FSIP2: variants seen among roughly 807,000 people sequenced by gnomAD.
The protein encoded by FSIP2 is fibrous sheath interacting protein 2, also known as fibrous sheath-interacting protein 2.
FSIP2 carries 367 observed loss-of-function variants against 510.5 expected under a neutral mutation model. The ratio of observed to expected loss-of-function variants is 0.72; its 90% CI spans 0.66 to 0.78. FSIP2 has a LOEUF of 0.78. Ranked by LOEUF, FSIP2 falls within the 30% of genes least tolerant of loss-of-function variation. The pLI is 0.00. For missense variants in FSIP2, 7,594 were observed against 7,901.7 expected, an observed-to-expected ratio of 0.96 and a Z score of 1.48; for synonymous variants, 2,601 against 2,732.2, an observed-to-expected ratio of 0.95 and a Z score of 1.50.
Position 185,763,206 on chromosome 2 carries a change from G to T in FSIP2, c.1264G>T (p.Gly422Cys). The part of the protein sequence containing the change: ...DRGGINISGQ[G>C]SIISAQVSPT... Reference sequence around the variant, plus strand: ...AGGAGGTATAAATATTTCAGGCCAAGGTTCAATTATTTCAGCGCAGGTATC... The same window carrying T: ...AGGAGGTATAAATATTTCAGGCCAATGTTCAATTATTTCAGCGCAGGTATC... Residue 422 changes from glycine (G) to cysteine (C), a missense_variant, in exon 12 of 23, where the codon GGT becomes TGT. Gly to Cys is a radical substitution (Grantham distance 159). Transcript: ENST00000424728. The T allele has an allele frequency of 1.3e-6, 2 of 1,491,654 alleles. No individual in the cohort carries two copies. Among genetic ancestry groups the T allele is most frequent in the Non-Finnish European group, 1.8e-6 (2 of 1,107,184 alleles). 92.4% of individuals were successfully genotyped at this position (1,491,654 alleles called of 1,614,324 possible). A position where few individuals can be genotyped will look rare whatever the true frequency, so the allele number is the denominator to read the frequency against.
intron 3 of FSIP2, 138 bp downstream of exon 3, chr2:185,743,432 A>C: frequency 2.4e-6 from 1 of 424,614 alleles, no homozygotes. Flanking sequence ...CAGTTCTATA[A>C]ATTTCTCAGT....
At position 185,792,596 on chromosome 2, in the gene FSIP2, A is replaced by G. The variant is rs1693164007; in HGVS notation, c.5460A>G (p.Gln1820=). 1 of 1,534,120 alleles carries G rather than the reference A, an allele frequency of 6.5e-7. No homozygotes were observed. The highest frequency in any genetic ancestry group is 1.2e-5 in the South Asian group (1 of 84,022). The change falls in exon 16 of 23, where the codon CAA becomes CAG. Residue 1820 remains glutamine, a synonymous_variant. Coordinates refer to ENST00000424728, the MANE Select transcript of FSIP2 (RefSeq NM_173651.4). ...MPHNVDEPTP[Q]TSVQFMDKMM... ...ACAATGTTGATGAGCCAACTCCCCA[A>G]ACATCTGTTCAATTTATGGATAAAA...
In FSIP2 at chr2:185,794,977, C is replaced by G. The variant is rs1430441342; in HGVS notation, c.7841C>G (p.Ser2614Cys). Residue 2614 changes from serine (S) to cysteine (C), a missense_variant, in exon 16 of 23, where the codon TCT becomes TGT. By Grantham distance (112) the Ser-to-Cys change is moderately radical. Coordinates refer to ENST00000424728, the MANE Select transcript of FSIP2 (RefSeq NM_173651.4). ...TCTTATGTCGACAGTCAAAATATCTCTGTGATGGAAAACACTCTTTTGCCA... is the reference window on the plus strand; with the variant it reads ...TCTTATGTCGACAGTCAAAATATCTGTGTGATGGAAAACACTCTTTTGCCA... ...AYSYVDSQNI[S>C]VMENTLLPYL... is the part of the protein sequence containing the mutation. The G allele has an allele frequency of 6.5e-7, 1 of 1,533,756 alleles. No homozygotes were observed. The highest frequency in any genetic ancestry group is 1.2e-5 in the South Asian group (1 of 83,852).
In FSIP2 at chr2:185,815,419, A is replaced by T; in HGVS notation, c.20374A>T (p.Arg6792Ter). The change falls in exon 19 of 23, where the codon AGA becomes TGA. Residue 6792 changes from arginine to a stop codon, truncating the protein, a stop_gained. Coordinates refer to ENST00000424728, the MANE Select transcript of FSIP2 (RefSeq NM_173651.4). LOFTEE classifies it high-confidence loss of function. ...TGAACCAACACATTACTTCATACAC[A>T]GAATTATGAGTTCATCTTCATACAA... ...VTEPTHYFIH[R>*]IMSSSSYNQE... 2 of 1,540,984 alleles carry T rather than the reference A, an allele frequency of 1.3e-6. No individual in the cohort carries two copies. The highest frequency in any genetic ancestry group is 8.9e-7 in the Non-Finnish European group (1 of 1,126,980).
chr2:185,761,570 AC>A (rs1452974997), intron 10 of FSIP2, among the ~76,000 whole-genome samples: 1 of 151,272 alleles, frequency 6.6e-6, no homozygotes, highest in East Asian at 1.9e-4. Context: ...GATGAATTTT[AC>A]TTTGGTTCTA....
chr2:185,817,351 G>A (rs902901618), intron 19 of FSIP2, among the ~76,000 whole-genome samples: 1 of 152,018 alleles, frequency 6.6e-6, no homozygotes, highest in Non-Finnish European at 1.5e-5. Context: ...CAGAGGGACT[G>A]CAGAACCATA....
At position 185,794,767 on chromosome 2, in the gene FSIP2, A is replaced by G; in HGVS notation, c.7631A>G (p.Glu2544Gly). 6.5e-7 allele frequency: 1 copy of G among 1,534,334 alleles called. No homozygotes were observed. Among genetic ancestry groups the G allele is most frequent in the East Asian group, 2.4e-5 (1 of 40,820 alleles). Residue 2544 changes from glutamate to glycine, a missense_variant, in exon 16 of 23, where the codon GAA becomes GGA. By Grantham distance (98) the Glu-to-Gly change is moderately conservative. Coordinates refer to ENST00000424728, the MANE Select transcript of FSIP2 (RefSeq NM_173651.4). ...AACAGTGTAGCAAATGACATAGTTG[A>G]AAGTGTTTTGGGGAAAATGTACTTG... Reference protein sequence around the residue: ...HINSVANDIVESVLGKMYLVV... With the variant: ...HINSVANDIVGSVLGKMYLVV...
Position 185,788,803 on chromosome 2 carries a change from C to G in FSIP2, c.1667C>G (p.Ser556Ter). ...GACTCCATCCTCTCTTCAGATAGTTCAAGTTTCTGTAGCACGTGCAGTGAA... is the reference window on the plus strand; with the variant it reads ...GACTCCATCCTCTCTTCAGATAGTTGAAGTTTCTGTAGCACGTGCAGTGAA... ...SDDSILSSDS[S>*]SFCSTCSEDF... The change falls in exon 16 of 23, where the codon TCA becomes TGA. Residue 556 changes from serine (S) to a stop codon, truncating the protein, a stop_gained. Coordinates refer to ENST00000424728, the MANE Select transcript of FSIP2 (RefSeq NM_173651.4). LOFTEE classifies it high-confidence loss of function. The G allele has an allele frequency of 2.0e-6, 3 of 1,533,858 alleles. 1 individual carries two copies. The highest frequency in any genetic ancestry group is 4.9e-5 in the East Asian group (2 of 40,852).
At chr2:185,766,085 T>A (rs1692471367) in intron 13 of FSIP2, 1 of 152,050 alleles carries the variant, frequency 6.6e-6, no homozygotes, top group Non-Finnish European at 1.5e-5. Flanking sequence ...TCATGTCGTC[T>A]GCAAACAGGG....
chr2:185,813,852 T>G lies in FSIP2; in HGVS notation c.20135T>G (p.Phe6712Cys), dbSNP rs1401509028. ...STLSTSSLKK[F>C]LSLSKCCQTT... ...CTAAGCACGAGCAGCCTGAAAAAAT[T>G]TTTGTCACTAAGTAAATGTTGTCAG... The change falls in exon 18 of 23, where the codon TTT becomes TGT. Residue 6712 changes from phenylalanine to cysteine, a missense_variant. By Grantham distance (205) the Phe-to-Cys change is radical. Coordinates refer to ENST00000424728, the MANE Select transcript of FSIP2 (RefSeq NM_173651.4). 6 of 1,613,646 alleles carry G rather than the reference T, an allele frequency of 3.7e-6. No individual in the cohort carries two copies. Among genetic ancestry groups the G allele is most frequent in the Non-Finnish European group, 5.1e-6 (6 of 1,179,782 alleles).
chr2:185,796,427 A>T lies in FSIP2; in HGVS notation c.9291A>T (p.Leu3097=), dbSNP rs1384827584. The T allele has an allele frequency of 1.3e-6, 2 of 1,534,510 alleles. No individual in the cohort carries two copies. The highest frequency in any genetic ancestry group is 1.7e-6 in the Non-Finnish European group (2 of 1,146,002). ...SDMLAVIKNK[L]DNEISQMEPS... is the part of the protein sequence containing the mutation. ...TGCTTGCTGTAATTAAGAACAAGCT[A>T]GACAACGAAATAAGCCAAATGGAAC... The change falls in exon 16 of 23, where the codon CTA becomes CTT. Residue 3097 remains leucine (L), a synonymous_variant. Transcript: ENST00000424728.
rs185818166 is a variant in FSIP2, at chr2:185,830,687, A to G, written c.20518-1126A>G. 3.3e-5 allele frequency among the ~76,000 whole-genome samples: 5 copies of G among 151,950 alleles called. No individual in the cohort carries two copies. In the East Asian group the frequency reaches 7.8e-4, roughly 24 times the overall value. ...TCTATACATGTTCGGTATACATGCA[A>G]CCATCCATTATTTTTCATATATTTT... On this transcript the variant is annotated intron_variant, in intron 21 of 22. Coordinates refer to ENST00000424728, the MANE Select transcript of FSIP2 (RefSeq NM_173651.4).
intron 13 of FSIP2, among the ~76,000 whole-genome samples, chr2:185,780,751 G>C (rs959796236): frequency 6.6e-6 from 1 of 151,926 alleles, no homozygotes; most frequent in Non-Finnish European, 1.5e-5. Context: ...TGTTATATGT[G>C]AGCTCAGTTT....
chr2:185,797,307 T>C lies in FSIP2; in HGVS notation c.10171T>C (p.Tyr3391His), dbSNP rs1332053464. The C allele has an allele frequency of 6.5e-7, 1 of 1,528,386 alleles. No homozygotes were observed. The highest frequency in any genetic ancestry group is 2.0e-5 in the Admixed American group (1 of 49,252). The allele number at this position is 1,528,386 out of a possible 1,614,324, so 94.7% of individuals were successfully genotyped here. The change falls in exon 16 of 23, where the codon TAT becomes CAT. Residue 3391 changes from tyrosine to histidine, a missense_variant. Physicochemically the swap from Tyr to His is moderately conservative, Grantham distance 83. Coordinates refer to ENST00000424728, the MANE Select transcript of FSIP2 (RefSeq NM_173651.4). ...TAGAATGCAGGATAAAAAAATCAACTATATACCTGAGGAAGAAAATGAAAA... is the reference window on the plus strand; with the variant it reads ...TAGAATGCAGGATAAAAAAATCAACCATATACCTGAGGAAGAAAATGAAAA... Reference protein sequence around the residue: ...LLRMQDKKINYIPEEENENLE... With the variant: ...LLRMQDKKINHIPEEENENLE...
chr2:185,764,014 T>C (rs1343089623), intron 12 of FSIP2, among the ~76,000 whole-genome samples: 1 of 151,216 alleles, frequency 6.6e-6, no homozygotes, highest in African/African-American at 2.4e-5. Context: ...ATGCTAAGAA[T>C]AAAAAAAAAT....
At chr2:185,825,576 ATAAAAACAAAAGTTCCATCTG>A (rs1467601879) in intron 20 of FSIP2, among the ~76,000 whole-genome samples, 3 of 151,860 alleles carry the variant, frequency 2.0e-5, no homozygotes, top group Non-Finnish European at 2.9e-5. Context: ...GTGACTCTAC[ATAAAAACAAAAGTTCCATCTG>A]CATCCCACAT....
At chr2:185,781,464 AC>A (rs1394869211) in intron 13 of FSIP2, among the ~76,000 whole-genome samples, 2 of 152,166 alleles carry the variant, frequency 1.3e-5, no homozygotes, top group Non-Finnish European at 2.9e-5. Flanking sequence ...TATGAACCCC[AC>A]TGTAAGTCAA....
In FSIP2 at chr2:185,796,725, A is replaced by G. The variant is rs1210114161; in HGVS notation, c.9589A>G (p.Lys3197Glu). The G allele has an allele frequency of 6.5e-7, 1 of 1,535,090 alleles. No homozygotes were observed. The highest frequency in any genetic ancestry group is 8.7e-7 in the Non-Finnish European group (1 of 1,146,248). ...GFVFCSDEDM[K>E]EKYRVSSDLP... The stretch of plus-strand genomic sequence containing the variant: ...TGTGTTTTGTTCAGATGAAGATATG[A>G]AAGAAAAGTACAGGGTTTCATCAGA... Residue 3197 changes from lysine to glutamate, a missense_variant, in exon 16 of 23, where the codon AAA becomes GAA. Coordinates refer to ENST00000424728, the MANE Select transcript of FSIP2 (RefSeq NM_173651.4).
At chr2:185,785,786 C>A (rs1692958582) in intron 14 of FSIP2, among the ~76,000 whole-genome samples, 1 of 151,888 alleles carries the variant, frequency 6.6e-6, no homozygotes. Context: ...TATTTTCTTC[C>A]TACTGTGGAA....
Sources: allele counts gnomAD v4.1 joint callset (sites outside exome capture counted in the v4.1 genomes callset), GRCh38; gene constraint gnomAD v4.1.1; transcripts MANE v1.5; gene names NCBI Gene and HGNC (gene_info 2026-07-23, HGNC 2026-07-21).